The following OSBPL2 variants were observed in gnomAD, a reference collection of about 807,000 sequenced individuals.
OSBPL2 encodes oxysterol-binding protein-related protein 2.
A neutral mutation model predicts 58.4 loss-of-function variants in OSBPL2; 18 were observed. That is an observed-to-expected ratio of 0.31 (90% CI 0.21 to 0.46). The LOEUF (loss-of-function observed/expected upper bound fraction) is 0.46. OSBPL2 is among the 20% of genes least tolerant of loss of function. OSBPL2 has a pLI of 1.00. For synonymous variants in OSBPL2, 221 were observed against 234.1 expected (o/e 0.94, Z 0.51); for missense variants, 461 against 616.5 (o/e 0.75, Z 2.67).
At chr20:62,262,275 G>A (rs1037830485) in intron 3 of OSBPL2, among the ~76,000 whole-genome samples, 1 of 152,208 alleles carries the variant, frequency 6.6e-6, no homozygotes, top group Non-Finnish European at 1.5e-5. Context: ...TGTGCCCTCA[G>A]GCCTGGCCCC....
intron 4 of OSBPL2, among the ~76,000 whole-genome samples, chr20:62,268,087 C>T (rs4925364): frequency 0.46 from 60,740 of 132,130 alleles, 13,293 homozygotes; most frequent in Middle Eastern, 0.53. Context: ...TTAGTAGATA[C>T]GGGGTTTCAC....
chr20:62,266,588 T>G (rs1981678722), intron 4 of OSBPL2, among the ~76,000 whole-genome samples: 1 of 152,036 alleles, frequency 6.6e-6, no homozygotes, highest in African/African-American at 2.4e-5. Context: ...TGTGGCTCGT[T>G]CTGGATCCGC....
chr20:62,287,196 T>C (rs1466350733), intron 11 of OSBPL2, among the ~76,000 whole-genome samples: 1 of 149,312 alleles, frequency 6.7e-6, no homozygotes, highest in African/African-American at 2.5e-5. Flanking sequence ...TTTTATTAAA[T>C]ATATGATAAA....
intron 1 of OSBPL2, among the ~76,000 whole-genome samples, chr20:62,255,463 GATA>G (rs1483971828): frequency 2.6e-5 from 4 of 152,006 alleles, no homozygotes; most frequent in Admixed American, 2.0e-4. Flanking sequence ...CATAACTGTA[GATA>G]ATGCTTTTAA....
At chr20:62,240,009 C>T (rs916745005) in intron 1 of OSBPL2, among the ~76,000 whole-genome samples, 4 of 152,154 alleles carry the variant, frequency 2.6e-5, no homozygotes, top group Non-Finnish European at 5.9e-5. Context: ...CCGGCCACCA[C>T]GCCCGCCTAA....
chr20:62,291,179 C>G (rs1480001077), intron 12 of OSBPL2: 2 of 188,284 alleles, frequency 1.1e-5, no homozygotes, highest in Admixed American at 5.3e-5. Context: ...GTGATGTTTT[C>G]AGAGAGAAAC....
intron 2 of OSBPL2, among the ~76,000 whole-genome samples, chr20:62,259,772 C>T (rs1332403845): frequency 3.3e-5 from 5 of 152,010 alleles, no homozygotes; most frequent in Non-Finnish European, 7.4e-5. Context: ...TCGCTGGGAG[C>T]GCGTTCTTAG....
intron 1 of OSBPL2, among the ~76,000 whole-genome samples, chr20:62,246,319 C>T (rs567637965): frequency 1.8e-4 from 27 of 152,388 alleles, no homozygotes; most frequent in African/African-American, 6.3e-4. Flanking sequence ...TTCTCCCTCA[C>T]GTTTCAAGTG....
At chr20:62,280,952 G>A (rs1008905143) in intron 7 of OSBPL2, 106 bp from the exon 8 acceptor site, 47 of 782,452 alleles carry the variant, frequency 6.0e-5, no homozygotes, top group East Asian at 1.2e-4. Flanking sequence ...GCTCTCCCGC[G>A]GGTGCCGGTT....
At chr20:62,292,993 T>C (rs1983621518) in intron 13 of OSBPL2, among the ~76,000 whole-genome samples, 2 of 151,770 alleles carry the variant, frequency 1.3e-5, no homozygotes, top group South Asian at 4.2e-4. Context: ...CTCAGCCTCC[T>C]GAGTAGCTGG....
intron 11 of OSBPL2, 143 bp downstream of exon 11, chr20:62,286,854 C>T (rs1442009756): frequency 1.4e-5 from 14 of 978,098 alleles, no homozygotes; most frequent in East Asian, 2.6e-5. Context: ...CAGGGGCCTC[C>T]GCCATTGTCG....
chr20:62,251,213 G>A (rs1980511111), intron 1 of OSBPL2, among the ~76,000 whole-genome samples: 1 of 150,794 alleles, frequency 6.6e-6, no homozygotes, highest in African/African-American at 2.4e-5. Flanking sequence ...CGGCCACCAC[G>A]CCCGGCTAAT....
At position 62,246,727 on chromosome 20, in the gene OSBPL2, C is replaced by T. The variant is rs564732770; in HGVS notation, c.-129+8130C>T. Among the ~76,000 whole-genome samples, 289 of 152,314 alleles carry T rather than the reference C, an allele frequency of 1.9e-3. 1 individual carries two copies. Among genetic ancestry groups the T allele is most frequent in the African/African-American group, 6.5e-3 (271 of 41,574 alleles). On this transcript the variant is annotated intron_variant, in intron 1 of 13. Coordinates refer to ENST00000313733, the MANE Select transcript of OSBPL2 (RefSeq NM_144498.4). ...TGTCCCTCAGCCCCTGCCCCTCCCC[C>T]TCAGTGCCACACGGAGGTGCAGGCA...
intron 9 of OSBPL2, among the ~76,000 whole-genome samples, chr20:62,283,061 G>A (rs564349064): frequency 2.1e-4 from 32 of 152,334 alleles, no homozygotes; most frequent in Middle Eastern, 3.4e-3. Flanking sequence ...GGGAGCAGCT[G>A]GCTGTCTGTT....
At chr20:62,251,500 C>A (rs754379287) in intron 1 of OSBPL2, among the ~76,000 whole-genome samples, 1 of 151,672 alleles carries the variant, frequency 6.6e-6, no homozygotes, top group Non-Finnish European at 1.5e-5. Context: ...CCTCTGCCTC[C>A]TGGGTTCAAG....
rs374690896 is a variant in OSBPL2 at position 62,264,455 on chromosome 20, T to C, written c.258+764T>C. Among the ~76,000 whole-genome samples, 9 of 152,266 alleles carry C rather than the reference T, an allele frequency of 5.9e-5. No individual in the cohort carries two copies. In the East Asian group the frequency reaches 1.7e-3, roughly 29 times the overall value. ...TCCCGTGCCTCCTGTACCGTGCTGG[T>C]TCCTGGGCCAGCGCTTGATGCCTGA... is the stretch of plus-strand genomic sequence containing the variant. On this transcript the variant is annotated intron_variant, in intron 4 of 13. Coordinates refer to ENST00000313733, the MANE Select transcript of OSBPL2 (RefSeq NM_144498.4).
At chr20:62,280,795 C>CT (rs1333322809) in intron 7 of OSBPL2, among the ~76,000 whole-genome samples, 2 of 152,208 alleles carry the variant, frequency 1.3e-5, no homozygotes, top group Admixed American at 1.3e-4. Flanking sequence ...AGCCATTTGT[C>CT]TTTGTTCAGT....
intron 4 of OSBPL2, among the ~76,000 whole-genome samples, chr20:62,268,305 T>C (rs1392236335): frequency 6.6e-6 from 1 of 152,164 alleles, no homozygotes; most frequent in Non-Finnish European, 1.5e-5. Flanking sequence ...GAGATGACTT[T>C]TTAAAATTTA....
chr20:62,264,164 A>G (rs1230235573), intron 4 of OSBPL2, among the ~76,000 whole-genome samples: 1 of 152,088 alleles, frequency 6.6e-6, no homozygotes, highest in African/African-American at 2.4e-5. Flanking sequence ...TCAGGGGAAG[A>G]GGTGTTCTGT....
Sources: gnomAD v4.1 joint callset for allele counts (sites outside exome capture counted in the v4.1 genomes callset) on GRCh38, gnomAD v4.1.1 for gene constraint, MANE v1.5 for transcripts, NCBI Gene and HGNC (gene_info 2026-07-23, HGNC 2026-07-21) for gene names.